TGOLN2: variants seen among roughly 807,000 people sequenced by gnomAD.
The protein encoded by TGOLN2 is trans-golgi network protein 2, also known as trans-Golgi network integral membrane protein 2.
A neutral mutation model predicts 31.3 loss-of-function variants in TGOLN2; 19 were observed. The observed-to-expected ratio is 0.61, with a 90% CI of 0.42 to 0.89. The LOEUF (loss-of-function observed/expected upper bound fraction) is 0.89, where lower values mean the gene tolerates loss of function less well. TGOLN2 is among the 40% of genes least tolerant of loss of function. TGOLN2 has a pLI of 0.00. For missense variants in TGOLN2, 540 were observed against 559.2 expected, an observed-to-expected ratio of 0.97 and a Z score of 0.35; for synonymous variants, 222 against 226.7, an observed-to-expected ratio of 0.98 and a Z score of 0.19.
chr2:85,323,426 C>T lies in TGOLN2; in HGVS notation c.1309-685G>A, dbSNP rs947895121. On this transcript the variant is annotated intron_variant, in intron 3 of 3. Coordinates refer to ENST00000377386, the MANE Select transcript of TGOLN2 (RefSeq NM_006464.4). The stretch of plus-strand genomic sequence containing the variant: ...ACTAAAAATCTAAAAATTAGCTGGG[C>T]GTGGTGGTGGGCGCCTGTAATCCCA... 4.1e-4 allele frequency among the ~76,000 whole-genome samples: 62 copies of T among 152,096 alleles called. 1 individual carries two copies. Among genetic ancestry groups the T allele is most frequent in the Non-Finnish European group, 1.9e-4 (13 of 67,976 alleles).
Position 85,326,496 on chromosome 2 carries a change from C to T in TGOLN2, c.1224+12G>A. 2 of 1,607,330 alleles carry T rather than the reference C, an allele frequency of 1.2e-6. No individual in the cohort carries two copies. The highest frequency in any genetic ancestry group is 1.7e-6 in the Non-Finnish European group (2 of 1,174,800). The stretch of plus-strand genomic sequence containing the variant: ...AACCCCACTCCCCTCCGGAAGGCCG[C>T]TGTCGACTTACCTTCCGCTTGTTGT... On this transcript the variant is annotated intron_variant, in intron 2 of 3. Transcript: ENST00000377386.
At position 85,321,185 on chromosome 2, in the gene TGOLN2, G is replaced by A. The variant is rs1040192057; in HGVS notation, c.*1551C>T. ...ATAGCCACAGTCTTAGGGGATGCTA[G>A]AGAAGCCTAGAAGATTCCTCAGGTT... On this transcript the variant is annotated 3_prime_UTR_variant, in exon 4 of 4. Transcript: ENST00000377386. The A allele has an allele frequency of 2.0e-5, 3 of 152,364 alleles. No individual in the cohort carries two copies. The highest frequency in any genetic ancestry group is 4.4e-5 in the Non-Finnish European group (3 of 68,074). 9.4% of individuals were successfully genotyped at this position (152,364 alleles called of 1,614,324 possible).
At chr2:85,325,054 G>A in intron 2 of TGOLN2, 56 bp from the exon 3 acceptor site, 1 of 1,516,056 alleles carries the variant, frequency 6.6e-7, no homozygotes, top group Non-Finnish European at 9.0e-7. Context: ...ACATAGTTCA[G>A]TCTCTGAACT....
chr2:85,324,918 C>A lies in TGOLN2; in HGVS notation c.1305G>T (p.Gln435His), dbSNP rs1049539366. 2.6e-6 allele frequency: 4 copies of A among 1,554,206 alleles called. No individual in the cohort carries two copies. Among genetic ancestry groups the A allele is most frequent in the East Asian group, 2.4e-5 (1 of 41,396 alleles). Residue 435 changes from glutamine to histidine, a missense_variant, in exon 3 of 4, where the codon CAG (glutamine) becomes CAT (histidine). Gln to His is a conservative substitution (Grantham distance 24, BLOSUM62 0). Transcript: ENST00000377386. Reference protein sequence around the residue: ...PKASDYQRLDQKS With the variant: ...PKASDYQRLDHKS ...GACCTGGCTCCTCCTTCCTTACCTT[C>A]TGGTCCAAACGTTGGTAGTCACTGG...
chr2:85,327,708 C>A, intron 1 of TGOLN2, 23 bp from the exon 2 acceptor site: 1 of 1,599,206 alleles, frequency 6.3e-7, no homozygotes, highest in South Asian at 1.1e-5. Flanking sequence ...AACGAGTTAG[C>A]ACCGGAGAAG....
In TGOLN2 at chr2:85,318,157, T is replaced by TA. The variant is rs1444568444; in HGVS notation, c.*4578dup. 8 of 152,028 alleles carry TA rather than the reference T, an allele frequency of 5.3e-5. No individual in the cohort carries two copies. Among genetic ancestry groups the TA allele is most frequent in the African/African-American group, 1.7e-4 (7 of 41,396 alleles). 9.4% of individuals were successfully genotyped at this position (152,028 alleles called of 1,614,324 possible). On this transcript the variant is annotated 3_prime_UTR_variant, in exon 4 of 4. Transcript: ENST00000377386. ...CTTCTCATTAGACCACAACAAGCTT[T>TA]AAAAAAATAAAATTAAGTAATTATA...
In TGOLN2 at chr2:85,320,763, A is replaced by G. The variant is rs1682518523; in HGVS notation, c.*1973T>C. 6.6e-6 allele frequency: 1 copy of G among 152,246 alleles called. No individual in the cohort carries two copies. Among genetic ancestry groups the G allele is most frequent in the African/African-American group, 2.4e-5 (1 of 41,450 alleles). 9.4% of individuals were successfully genotyped at this position (152,246 alleles called of 1,614,324 possible). Reference sequence around the variant, plus strand: ...AGGGCCTCTTCACCACCAGCACAAGATAAGGCAAAGGACCATTTGTCAGAG... The same window carrying G: ...AGGGCCTCTTCACCACCAGCACAAGGTAAGGCAAAGGACCATTTGTCAGAG... On this transcript the variant is annotated 3_prime_UTR_variant, in exon 4 of 4. Coordinates refer to ENST00000377386, the MANE Select transcript of TGOLN2 (RefSeq NM_006464.4).
In TGOLN2 at chr2:85,321,918, A is replaced by C. The variant is rs1682562386; in HGVS notation, c.*818T>G. The stretch of plus-strand genomic sequence containing the variant: ...ATTGTGTGAAAGATCACACTACTTC[A>C]AATCATATTTATTTTAAAAATCTGT... On this transcript the variant is annotated 3_prime_UTR_variant, in exon 4 of 4. Coordinates refer to ENST00000377386, the MANE Select transcript of TGOLN2 (RefSeq NM_006464.4). The C allele has an allele frequency of 6.6e-6, 1 of 152,262 alleles. No homozygotes were observed. Among genetic ancestry groups the C allele is most frequent in the Non-Finnish European group, 1.5e-5 (1 of 68,044 alleles). 9.4% of individuals were successfully genotyped at this position (152,262 alleles called of 1,614,324 possible).
intron 2 of TGOLN2, among the ~76,000 whole-genome samples, chr2:85,326,001 G>A (rs1180121383): frequency 6.6e-6 from 1 of 152,150 alleles, no homozygotes; most frequent in Non-Finnish European, 1.5e-5. Flanking sequence ...CAATTTCTGG[G>A]CTTTCTTCTA....
chr2:85,323,439 G>A (rs1348655852), intron 3 of TGOLN2, among the ~76,000 whole-genome samples: 2 of 152,078 alleles, frequency 1.3e-5, no homozygotes, highest in Admixed American at 6.5e-5. Context: ...GGTGGTGGGC[G>A]CCTGTAATCC....
At position 85,327,681 on chromosome 2, in the gene TGOLN2, G is replaced by A. The variant is rs756833067; in HGVS notation, c.51C>T (p.Ala17=). The A allele has an allele frequency of 4.3e-6, 7 of 1,610,652 alleles. No homozygotes were observed. Among genetic ancestry groups the A allele is most frequent in the South Asian group, 2.2e-5 (2 of 90,998 alleles). Residue 17 remains alanine, a synonymous_variant, in exon 2 of 4, where the codon GCC becomes GCT. Coordinates refer to ENST00000377386, the MANE Select transcript of TGOLN2 (RefSeq NM_006464.4). ...LVLLNVAAAG[A]VPLLATESVK... ...CGCTTTCGGTGGCCAAGAGCGGCAC[G>A]GCTCCTGAAATAGAAAAACGAGTTA...
intron 2 of TGOLN2, 81 bp from the exon 3 acceptor site, chr2:85,325,079 T>C: frequency 3.8e-6 from 5 of 1,328,036 alleles, no homozygotes; most frequent in Non-Finnish European, 4.2e-6. Context: ...GGCAGTCACC[T>C]GGTAGCATAT....
Position 85,327,646 on chromosome 2 carries a change from T to C in TGOLN2, c.86A>G (p.Glu29Gly), listed in dbSNP as rs1055007554. 3.7e-6 allele frequency: 6 copies of C among 1,613,250 alleles called. No homozygotes were observed. Among genetic ancestry groups the C allele is most frequent in the Non-Finnish European group, 5.1e-6 (6 of 1,179,404 alleles). Residue 29 changes from glutamate (E) to glycine (G), a missense_variant, in exon 2 of 4, where the codon GAA (glutamate) becomes GGA (glycine). Glu to Gly is a moderately conservative substitution (Grantham distance 98, BLOSUM62 -2). Transcript: ENST00000377386. Reference protein sequence around the residue: ...PLLATESVKQEEAGVRPSAGN... With the variant: ...PLLATESVKQGEAGVRPSAGN... ...TGCAGAAGGCCGTACTCCAGCTTCT[T>C]CTTGCTTGACGCTTTCGGTGGCCAA...
chr2:85,326,482 C>A (rs759199118), intron 2 of TGOLN2, 26 bp downstream of exon 2: 1 of 1,604,344 alleles, frequency 6.2e-7, no homozygotes, highest in Non-Finnish European at 8.5e-7. Context: ...ACCCCACTCC[C>A]CTCCGGAAGG....
rs954561937 is a variant in TGOLN2 at position 85,321,446 on chromosome 2, T to C, written c.*1290A>G. On this transcript the variant is annotated 3_prime_UTR_variant, in exon 4 of 4. Coordinates refer to ENST00000377386, the MANE Select transcript of TGOLN2 (RefSeq NM_006464.4). ...TTTCCCTCATCTCCCAAGTTATTTGTATTTCCCTGAGATCAGCTCAGAAAC... is the reference window on the plus strand; with the variant it reads ...TTTCCCTCATCTCCCAAGTTATTTGCATTTCCCTGAGATCAGCTCAGAAAC... The C allele has an allele frequency of 2.0e-5, 3 of 152,680 alleles. No individual in the cohort carries two copies. Among genetic ancestry groups the C allele is most frequent in the African/African-American group, 7.2e-5 (3 of 41,468 alleles). 9.5% of individuals were successfully genotyped at this position (152,680 alleles called of 1,614,324 possible).
intron 3 of TGOLN2, among the ~76,000 whole-genome samples, chr2:85,323,114 G>A (rs532046429): frequency 2.6e-4 from 39 of 152,208 alleles, no homozygotes; most frequent in African/African-American, 9.1e-4. Context: ...AGTAGTAGCT[G>A]GGATTACCAT....
chr2:85,322,443 G>A lies in TGOLN2; in HGVS notation c.*293C>T, dbSNP rs759121359. On this transcript the variant is annotated 3_prime_UTR_variant, in exon 4 of 4. Coordinates refer to ENST00000377386, the MANE Select transcript of TGOLN2 (RefSeq NM_006464.4). ...TATACCCCTCCACTCACCCTCAGAG[G>A]AGGAACGGATGGAAGCCACCAGCAT... 3.8e-6 allele frequency: 2 copies of A among 519,536 alleles called. No homozygotes were observed. Among genetic ancestry groups the A allele is most frequent in the African/African-American group, 2.0e-5 (1 of 50,864 alleles). The allele number at this position is 519,536 out of a possible 1,614,324, so 32.2% of individuals were successfully genotyped here.
At chr2:85,324,421 C>CA (rs1357489163) in intron 3 of TGOLN2, 3,082 of 123,866 alleles carry the variant, frequency 0.025, 39 homozygotes, top group Middle Eastern at 0.056. Flanking sequence ...ACTCCATCTC[C>CA]AAAAAAAAAA....
chr2:85,323,904 T>C (rs1234719848), intron 3 of TGOLN2, among the ~76,000 whole-genome samples: 1 of 152,202 alleles, frequency 6.6e-6, no homozygotes, highest in African/African-American at 2.4e-5. Flanking sequence ...GAGAGACCCT[T>C]GCTTAGCTCT....
Sources: allele counts gnomAD v4.1 joint callset (sites outside exome capture counted in the v4.1 genomes callset), GRCh38; gene constraint gnomAD v4.1.1; transcripts MANE v1.5; gene names NCBI Gene and HGNC (gene_info 2026-07-23, HGNC 2026-07-21).